The following TENM3 variants were observed in gnomAD, a reference collection of about 807,000 sequenced individuals.
The protein encoded by TENM3 is teneurin-3.
In TENM3, 63 loss-of-function variants were observed where a neutral mutation model predicts 255.1. The observed-to-expected ratio is 0.25, with a 90% CI of 0.20 to 0.30. TENM3 has a LOEUF of 0.30. Ranked by LOEUF, TENM3 falls within the 10% of genes least tolerant of loss-of-function variation. TENM3 has a pLI of 1.00. For missense variants in TENM3, 2,929 were observed against 3,461.1 expected (o/e 0.85, Z 3.86); for synonymous variants, 1,306 against 1,322.3 (o/e 0.99, Z 0.27).
intron 3 of TENM3, among the ~76,000 whole-genome samples, chr4:182,558,400 G>T (rs1742792157): frequency 6.6e-6 from 1 of 152,112 alleles, no homozygotes; most frequent in Admixed American, 6.6e-5. Flanking sequence ...GGAGCATCAG[G>T]CCTCATGAAA....
chr4:182,730,157 G>A (rs776136561), intron 14 of TENM3, 43 bp from the exon 15 acceptor site: 6 of 1,611,346 alleles, frequency 3.7e-6, no homozygotes, highest in Non-Finnish European at 2.5e-6. Context: ...ATGTTGGCCT[G>A]AAAAGACAGA....
intron 1 of TENM3, among the ~76,000 whole-genome samples, chr4:182,160,306 C>T (rs544111725): frequency 1.8e-4 from 28 of 152,200 alleles, no homozygotes; most frequent in African/African-American, 5.8e-4. Context: ...CCGCCTATTC[C>T]GGTTCTTTTT....
At chr4:182,598,288 A>G (rs562461304) in intron 3 of TENM3, among the ~76,000 whole-genome samples, 1 of 152,332 alleles carries the variant, frequency 6.6e-6, no homozygotes, top group East Asian at 1.9e-4. Flanking sequence ...CCTAGCTTTC[A>G]TCAGCTGGAT....
chr4:182,784,810 C>T (rs1237206308), intron 24 of TENM3, among the ~76,000 whole-genome samples: 2 of 152,098 alleles, frequency 1.3e-5, no homozygotes, highest in Non-Finnish European at 2.9e-5. Flanking sequence ...GGGAGTGACC[C>T]GATTTTCCAG....
At chr4:182,417,256 G>T (rs549816945) in intron 3 of TENM3, among the ~76,000 whole-genome samples, 2 of 152,042 alleles carry the variant, frequency 1.3e-5, no homozygotes, top group Admixed American at 1.3e-4. Context: ...GATTACAGGC[G>T]TGAGCCACCG....
chr4:181,774,262 C>T, the TENM3 span, among the ~76,000 whole-genome samples: 1 of 44,542 alleles, frequency 2.2e-5, no homozygotes, highest in Non-Finnish European at 4.2e-5. Flanking sequence ...TGAGAATATG[C>T]GGTGTTTGGT....
At chr4:181,448,015 C>G in the TENM3 span, among the ~76,000 whole-genome samples, 1 of 151,758 alleles carries the variant, frequency 6.6e-6, no homozygotes, top group Non-Finnish European at 1.5e-5. Context: ...AATGGAAACT[C>G]GCAAGCAGAG....
the TENM3 span, among the ~76,000 whole-genome samples, chr4:181,493,989 A>G: frequency 6.6e-6 from 1 of 152,144 alleles, no homozygotes; most frequent in Non-Finnish European, 1.5e-5. Context: ...GGCAGTAATC[A>G]AGGAAATTTA....
At chr4:182,767,134 C>T (rs1763783054) in intron 22 of TENM3, among the ~76,000 whole-genome samples, 1 of 152,088 alleles carries the variant, frequency 6.6e-6, no homozygotes. Context: ...TTCTTACTAC[C>T]TTGCTACAAA....
At chr4:181,696,842 G>T in the TENM3 span, among the ~76,000 whole-genome samples, 1 of 152,284 alleles carries the variant, frequency 6.6e-6, no homozygotes, top group East Asian at 1.9e-4. Context: ...CGGGCTCTCT[G>T]CATTTCAGCA....
At chr4:181,564,028 C>CTTTTTTTTTTTTTTTTTTTTTTT in the TENM3 span, among the ~76,000 whole-genome samples, 1 of 94,714 alleles carries the variant, frequency 1.1e-5, no homozygotes, top group Admixed American at 1.1e-4. Flanking sequence ...CTTTTCTTTT[C>CTTTTTTTTTTTTTTTTTTTTTTT]TTTTCTTTTT....
chr4:182,009,628 C>T, the TENM3 span, among the ~76,000 whole-genome samples: 1 of 152,168 alleles, frequency 6.6e-6, no homozygotes, highest in Non-Finnish European at 1.5e-5. Flanking sequence ...TGCTGCCCTT[C>T]CCCTGCCCAA....
At chr4:182,485,662 G>A (rs1580712564) in intron 3 of TENM3, among the ~76,000 whole-genome samples, 2 of 136,856 alleles carry the variant, frequency 1.5e-5, no homozygotes, top group Non-Finnish European at 3.3e-5. Flanking sequence ...TGATTTATCT[G>A]TGGGTTTCTG....
chr4:181,542,485 G>A, the TENM3 span, among the ~76,000 whole-genome samples: 1 of 152,166 alleles, frequency 6.6e-6, no homozygotes, highest in Admixed American at 6.5e-5. Flanking sequence ...TGTAGGAGAA[G>A]TAAGGTTACC....
intron 3 of TENM3, among the ~76,000 whole-genome samples, chr4:182,517,223 T>C (rs1247527461): frequency 6.6e-6 from 1 of 152,092 alleles, no homozygotes; most frequent in African/African-American, 2.4e-5. Flanking sequence ...GAGACGCTTA[T>C]GGAAACGGCC....
chr4:182,372,073 T>C (rs1024407714), intron 3 of TENM3, among the ~76,000 whole-genome samples: 1 of 152,334 alleles, frequency 6.6e-6, no homozygotes, highest in African/African-American at 2.4e-5. Context: ...TTATGCAAAC[T>C]CTCATTAACA....
chr4:181,462,352 G>T, the TENM3 span, among the ~76,000 whole-genome samples: 1 of 152,132 alleles, frequency 6.6e-6, no homozygotes, highest in South Asian at 2.1e-4. Context: ...ATGTCAGGCT[G>T]CCTTGGTCTC....
the TENM3 span, among the ~76,000 whole-genome samples, chr4:182,114,224 A>C: frequency 1.3e-5 from 2 of 152,172 alleles, no homozygotes; most frequent in African/African-American, 2.4e-5. Context: ...GTTGAGAAAG[A>C]ATTTTAGAAG....
chr4:182,377,059 C>A (rs1348003834), intron 3 of TENM3, among the ~76,000 whole-genome samples: 1 of 152,138 alleles, frequency 6.6e-6, no homozygotes, highest in African/African-American at 2.4e-5. Context: ...TGTCTCCTTC[C>A]ACTCTTAAAC....
Sources: gnomAD v4.1 joint callset for allele counts (sites outside exome capture counted in the v4.1 genomes callset) on GRCh38, gnomAD v4.1.1 for gene constraint, MANE v1.5 for transcripts, NCBI Gene and HGNC (gene_info 2026-07-23, HGNC 2026-07-21) for gene names.